The following MGST2 variants were observed in gnomAD, a reference collection of about 807,000 sequenced individuals.
MGST2 encodes the protein glutathione peroxidase MGST2.
MGST2 carries 9 observed loss-of-function variants against 16.6 expected under a neutral mutation model. The ratio of observed to expected loss-of-function variants is 0.54; its 90% CI spans 0.33 to 0.95. MGST2 has a LOEUF of 0.95. Among genes scored for constraint, MGST2 ranks in the 40% least tolerant of loss-of-function variants. The pLI is 0.03. For synonymous variants in MGST2, 79 were observed against 68.0 expected (o/e 1.16, Z -0.79); for missense variants, 159 against 175.1 (o/e 0.91, Z 0.52).
At chr4:139,719,623 G>A in intron 5 of MGST2, 2 of 1,612,410 alleles carry the variant, frequency 1.2e-6, no homozygotes, top group South Asian at 1.1e-5. Context: ...CCTGGCTGGT[G>A]CCTTGCTGCC....
At chr4:139,712,121 TAA>T (rs59733244) in intron 5 of MGST2, among the ~76,000 whole-genome samples, 15,660 of 152,150 alleles carry the variant, frequency 0.1, 958 homozygotes, top group East Asian at 0.18. Flanking sequence ...GCAAAATAAG[TAA>T]AGTTATTCCA....
chr4:139,672,377 C>A (rs974133969), intron 1 of MGST2, among the ~76,000 whole-genome samples: 4 of 152,220 alleles, frequency 2.6e-5, no homozygotes, highest in Non-Finnish European at 5.9e-5. Flanking sequence ...GCAGAGTGGC[C>A]AAGTCCTCAT....
downstream of MGST2, among the ~76,000 whole-genome samples, chr4:139,743,184 C>G (rs760255994): frequency 2.0e-4 from 31 of 152,238 alleles, no homozygotes; most frequent in Admixed American, 1.2e-3. Context: ...AGTTACACGC[C>G]TCCTTTAAGA....
rs903431636 is a variant in MGST2, at chr4:139,693,637, A to G, written c.159-1560A>G. ...CTCAAAAAGATGTTAATGGAAAGAC[A>G]ACCATCAGAAGCAAAATCATGCCAA... On this transcript the variant is annotated intron_variant, in intron 2 of 4. Coordinates refer to ENST00000265498, the MANE Select transcript of MGST2 (RefSeq NM_002413.5). 2.6e-5 allele frequency among the ~76,000 whole-genome samples: 4 copies of G among 152,346 alleles called. No homozygotes were observed. The South Asian group carries it at 6.2e-4, about 24-fold the overall frequency.
At chr4:139,736,245 A>G (rs892997536) in intron 5 of MGST2, among the ~76,000 whole-genome samples, 5 of 152,210 alleles carry the variant, frequency 3.3e-5, no homozygotes, top group African/African-American at 7.2e-5. Flanking sequence ...GCTACATCCA[A>G]CCTCTCACCA....
downstream of MGST2, chr4:139,705,603 A>G (rs1173541240): frequency 2.0e-5 from 3 of 151,894 alleles, no homozygotes; most frequent in Admixed American, 2.0e-4. Flanking sequence ...AATTTCCTTT[A>G]GTTATTGGTT....
At chr4:139,703,855 G>A (rs911403814) in intron 4 of MGST2, among the ~76,000 whole-genome samples, 161 bp from the exon 5 acceptor site, 15 of 152,190 alleles carry the variant, frequency 9.9e-5, no homozygotes, top group African/African-American at 3.6e-4. Context: ...GATCTCTATG[G>A]CTAGGCATTC....
chr4:139,753,373 T>TATCTATC, the MGST2 span, among the ~76,000 whole-genome samples: 1 of 151,940 alleles, frequency 6.6e-6, no homozygotes, highest in Non-Finnish European at 1.5e-5. Flanking sequence ...TCTATCTATC[T>TATCTATC]ATCTATCTAT....
chr4:139,708,191 T>C (rs1348413460), downstream of MGST2, among the ~76,000 whole-genome samples: 2 of 152,222 alleles, frequency 1.3e-5, no homozygotes, highest in African/African-American at 4.8e-5. Flanking sequence ...TTTTTATGGT[T>C]TTAGGTCTAA....
At chr4:139,684,109 G>A (rs923959292) in intron 2 of MGST2, among the ~76,000 whole-genome samples, 1 of 151,876 alleles carries the variant, frequency 6.6e-6, no homozygotes, top group African/African-American at 2.4e-5. Flanking sequence ...TATTTTTAAT[G>A]GAGACAGGGT....
the MGST2 span, among the ~76,000 whole-genome samples, chr4:139,753,966 G>A: frequency 6.6e-6 from 1 of 152,186 alleles, no homozygotes; most frequent in Non-Finnish European, 1.5e-5. Context: ...GGAGGGGTAA[G>A]AGTTAATGAA....
chr4:139,712,192 T>A lies in MGST2; in HGVS notation c.*48+7996T>A, dbSNP rs117243849. ...TGCAACTGTTGAAACCAAGCTGATA[T>A]GGGGTTGGCAGCTGATTGCAATGTG... On this transcript the variant is annotated intron_variant, in intron 5 of 5. Transcript: ENST00000616265. 5.7e-4 allele frequency among the ~76,000 whole-genome samples: 87 copies of A among 152,294 alleles called. No homozygotes were observed. In the East Asian group the frequency reaches 0.016, roughly 28 times the overall value.
chr4:139,668,656 G>C (rs188821492), intron 1 of MGST2, among the ~76,000 whole-genome samples: 24 of 151,020 alleles, frequency 1.6e-4, no homozygotes, highest in Middle Eastern at 3.4e-3. Context: ...AGAGAGAGAG[G>C]CTTTACAACA....
chr4:139,714,340 A>G (rs1269272593), intron 5 of MGST2, among the ~76,000 whole-genome samples: 1 of 152,090 alleles, frequency 6.6e-6, no homozygotes, highest in East Asian at 1.9e-4. Context: ...TTTTCCCCCC[A>G]TTCATTTAAC....
downstream of MGST2, among the ~76,000 whole-genome samples, chr4:139,709,227 C>T (rs947225351): frequency 3.3e-5 from 5 of 151,632 alleles, no homozygotes; most frequent in Non-Finnish European, 5.9e-5. Flanking sequence ...GGACTAGAGG[C>T]GCCCGCCACC....
At chr4:139,741,116 G>A (rs1729152177), downstream of MGST2, among the ~76,000 whole-genome samples, 1 of 152,184 alleles carries the variant, frequency 6.6e-6, no homozygotes, top group Non-Finnish European at 1.5e-5. Context: ...CTGCCCAGCT[G>A]CGGTGGTGGG....
intron 3 of MGST2, among the ~76,000 whole-genome samples, chr4:139,700,706 T>C (rs1727203417): frequency 6.6e-6 from 1 of 152,226 alleles, no homozygotes; most frequent in South Asian, 2.1e-4. Context: ...GCCGTTTGTA[T>C]GTAGCGACTC....
the MGST2 span, among the ~76,000 whole-genome samples, chr4:139,754,013 C>T: frequency 7.9e-5 from 12 of 152,176 alleles, no homozygotes; most frequent in Non-Finnish European, 1.6e-4. Flanking sequence ...AGAATTAATA[C>T]TACCTACTAT....
intron 3 of MGST2, chr4:139,698,454 C>T: frequency 2.6e-6 from 3 of 1,156,036 alleles, no homozygotes; most frequent in East Asian, 2.3e-5. Context: ...CTTCACCCCT[C>T]CAGTAGAGGG....
Sources: allele counts gnomAD v4.1 joint callset (sites outside exome capture counted in the v4.1 genomes callset), GRCh38; gene constraint gnomAD v4.1.1; transcripts MANE v1.5; gene names NCBI Gene and HGNC (gene_info 2026-07-23, HGNC 2026-07-21).